Variants in NCKAP1 observed in about 807,000 individuals in gnomAD.
The protein encoded by NCKAP1 is NCK associated protein 1, also known as nck-associated protein 1.
Under a neutral mutation model 151.2 loss-of-function variants are expected in NCKAP1, and 21 were observed. The ratio of observed to expected loss-of-function variants is 0.14; its 90% CI spans 0.10 to 0.20. NCKAP1 has a LOEUF of 0.20. NCKAP1 is among the 10% of genes least tolerant of loss of function. The pLI is 1.00. For synonymous variants in NCKAP1, 484 were observed against 451.8 expected (o/e 1.07, Z -0.90); for missense variants, 933 against 1,352.1 (o/e 0.69, Z 4.86).
At chr2:182,981,213 CA>C in intron 13 of NCKAP1, 30 bp downstream of exon 13, 1 of 1,600,524 alleles carries the variant, frequency 6.2e-7, no homozygotes, top group Non-Finnish European at 8.5e-7. Context: ...AAGGAAGGAA[CA>C]AAAGGGAAAT....
intron 18 of NCKAP1, among the ~76,000 whole-genome samples, chr2:182,959,706 C>T (rs563707959): frequency 6.6e-6 from 1 of 152,320 alleles, no homozygotes; most frequent in Admixed American, 6.5e-5. Context: ...CTCACCACTC[C>T]TATTCAACAC....
intron 1 of NCKAP1, among the ~76,000 whole-genome samples, chr2:183,029,053 G>T (rs564885966): frequency 2.6e-4 from 39 of 152,082 alleles, no homozygotes; most frequent in Middle Eastern, 6.9e-3. Flanking sequence ...GAAGGCGCAG[G>T]TTGCAGTGAG....
intron 2 of NCKAP1, among the ~76,000 whole-genome samples, chr2:183,016,261 T>C (rs1385711894): frequency 6.6e-6 from 1 of 152,206 alleles, no homozygotes; most frequent in African/African-American, 2.4e-5. Flanking sequence ...TAAATCACTT[T>C]AGGTAGGTCA....
At chr2:182,965,752 T>C (rs1416277369) in intron 16 of NCKAP1, among the ~76,000 whole-genome samples, 3 of 152,216 alleles carry the variant, frequency 2.0e-5, no homozygotes, top group East Asian at 3.8e-4. Context: ...TTTCTAATTG[T>C]TGTATTCTTC....
In NCKAP1 at chr2:182,996,768, C is replaced by CT. The variant is rs1698278555; in HGVS notation, c.604-931dup. Reference sequence around the variant, plus strand: ...ACCACGCCTGGCTGTAAGAGTGATTCTTTAATCTGACTGCACACAGAATGC... The same window carrying CT: ...ACCACGCCTGGCTGTAAGAGTGATTCTTTTAATCTGACTGCACACAGAATGC... On this transcript the variant is annotated intron_variant, in intron 6 of 30. Coordinates refer to ENST00000361354, the MANE Select transcript of NCKAP1 (RefSeq NM_013436.5). Among the ~76,000 whole-genome samples the CT allele has an allele frequency of 2.0e-5, 3 of 151,996 alleles. No homozygotes were observed. The South Asian group carries it at 6.2e-4, about 31-fold the overall frequency.
intron 1 of NCKAP1, among the ~76,000 whole-genome samples, chr2:183,035,284 A>T (rs1456745643): frequency 2.3e-5 from 3 of 130,582 alleles, no homozygotes; most frequent in South Asian, 2.2e-4. Context: ...TGATGAAATT[A>T]AAAAAAAAAA....
intron 18 of NCKAP1, among the ~76,000 whole-genome samples, chr2:182,959,113 A>G (rs909517956): frequency 4.6e-5 from 7 of 152,210 alleles, no homozygotes; most frequent in African/African-American, 9.7e-5. Context: ...TGGGCCAAGG[A>G]AAGTTATTTA....
intron 6 of NCKAP1, 80 bp downstream of exon 6, chr2:183,001,873 G>C: frequency 1.6e-6 from 2 of 1,249,736 alleles, no homozygotes; most frequent in Non-Finnish European, 2.3e-6. Flanking sequence ...TCAAAAACAA[G>C]ATTATCCCTT....
At chr2:182,990,552 C>T (rs979127065) in intron 8 of NCKAP1, among the ~76,000 whole-genome samples, 5 of 152,060 alleles carry the variant, frequency 3.3e-5, no homozygotes, top group African/African-American at 1.2e-4. Flanking sequence ...TTTATACATG[C>T]TGACTGATAT....
intron 10 of NCKAP1, among the ~76,000 whole-genome samples, chr2:182,985,669 G>A (rs1045997034): frequency 5.9e-5 from 9 of 151,898 alleles, no homozygotes; most frequent in African/African-American, 1.9e-4. Context: ...GGGAATGTAC[G>A]GCGGGTGCCT....
chr2:183,028,326 TCATAAAA>T (rs1410794307), intron 1 of NCKAP1, among the ~76,000 whole-genome samples: 4 of 152,104 alleles, frequency 2.6e-5, no homozygotes, highest in African/African-American at 7.2e-5. Flanking sequence ...CAGCATATTT[TCATAAAA>T]CATAAAATAC....
chr2:183,012,217 C>A (rs967904971), intron 2 of NCKAP1, among the ~76,000 whole-genome samples: 1 of 152,166 alleles, frequency 6.6e-6, no homozygotes, highest in Non-Finnish European at 1.5e-5. Flanking sequence ...AAAATCTACA[C>A]ATTAGTGTGA....
In NCKAP1 at chr2:182,930,685, T is replaced by C; in HGVS notation, c.2953+10A>G. Reference sequence around the variant, plus strand: ...ACTAAGAGTATTAAATATTTACTAATGCATTTTACCCGATTTTTGTGAAGA... The same window carrying C: ...ACTAAGAGTATTAAATATTTACTAACGCATTTTACCCGATTTTTGTGAAGA... On this transcript the variant is annotated intron_variant, in intron 27 of 30. Coordinates refer to ENST00000361354, the MANE Select transcript of NCKAP1 (RefSeq NM_013436.5). 1 of 1,606,626 alleles carries C rather than the reference T, an allele frequency of 6.2e-7. No individual in the cohort carries two copies. Among genetic ancestry groups the C allele is most frequent in the Non-Finnish European group, 8.5e-7 (1 of 1,173,446 alleles).
At chr2:183,028,201 T>C (rs941401811) in intron 1 of NCKAP1, among the ~76,000 whole-genome samples, 2 of 151,948 alleles carry the variant, frequency 1.3e-5, no homozygotes, top group Non-Finnish European at 2.9e-5. Context: ...AAAAAACTTT[T>C]TCAGAGAATT....
At chr2:183,002,904 A>G in intron 4 of NCKAP1, 70 bp downstream of exon 4, 1 of 1,150,040 alleles carries the variant, frequency 8.7e-7, no homozygotes, top group Admixed American at 2.2e-5. Flanking sequence ...CTAGCTAAAG[A>G]AAAGCAAGTG....
At chr2:183,014,985 G>A (rs946896948) in intron 2 of NCKAP1, among the ~76,000 whole-genome samples, 1 of 152,130 alleles carries the variant, frequency 6.6e-6, no homozygotes, top group Non-Finnish European at 1.5e-5. Context: ...ATAACTTCAG[G>A]AAATTTGAAG....
intron 4 of NCKAP1, 121 bp downstream of exon 4, chr2:183,002,853 C>A (rs1698399769): frequency 3.1e-6 from 2 of 642,288 alleles, no homozygotes; most frequent in South Asian, 5.3e-5. Flanking sequence ...TAAAACAAGC[C>A]AAATTAATAA....
intron 23 of NCKAP1, among the ~76,000 whole-genome samples, chr2:182,948,426 T>C (rs956163129): frequency 3.3e-5 from 5 of 152,114 alleles, no homozygotes; most frequent in Admixed American, 2.6e-4. Flanking sequence ...CCCCTAACTT[T>C]AAATTTTAAT....
In NCKAP1 at chr2:182,967,292, T is replaced by C. The variant is rs1206650887; in HGVS notation, c.1552A>G (p.Thr518Ala). The C allele has an allele frequency of 1.9e-6, 3 of 1,612,008 alleles. No homozygotes were observed. The highest frequency in any genetic ancestry group is 2.5e-6 in the Non-Finnish European group (3 of 1,178,612). Residue 518 changes from threonine (T) to alanine (A), a missense_variant, in exon 16 of 31, where the codon ACA becomes GCA. Thr to Ala is a moderately conservative substitution (Grantham distance 58). Coordinates refer to ENST00000361354, the MANE Select transcript of NCKAP1 (RefSeq NM_013436.5). ...ACCATTTTTGTATGAAAAATTATTG[T>C]ATTCATCATCTTTCCAAGTTCTCTG... ...DHRELGKMMN[T>A]IIFHTKMVDS...
Sources: gnomAD v4.1 joint callset for allele counts (sites outside exome capture counted in the v4.1 genomes callset) on GRCh38, gnomAD v4.1.1 for gene constraint, MANE v1.5 for transcripts, NCBI Gene and HGNC (gene_info 2026-07-23, HGNC 2026-07-21) for gene names.